The following TC2N variants were observed in gnomAD, a reference collection of about 807,000 sequenced individuals.
The protein encoded by TC2N is tandem C2 domains, nuclear.
In TC2N, 51 loss-of-function variants were observed where a neutral mutation model predicts 61.9. That is an observed-to-expected ratio of 0.82 (90% CI 0.66 to 1.04). The LOEUF (loss-of-function observed/expected upper bound fraction) is 1.04. Among genes scored for constraint, TC2N ranks in the 50% least tolerant of loss-of-function variants. The pLI is 0.00. For missense variants in TC2N, 556 were observed against 566.7 expected, an observed-to-expected ratio of 0.98 and a Z score of 0.19; for synonymous variants, 204 against 192.6, an observed-to-expected ratio of 1.06 and a Z score of -0.49.
intron 11 of TC2N, 32 bp from the exon 12 acceptor site, chr14:91,783,242 T>C (rs745421041): frequency 4.0e-6 from 5 of 1,237,172 alleles, no homozygotes; most frequent in Non-Finnish European, 5.9e-6. Flanking sequence ...ATCATTTAAC[T>C]TGACACAATA....
intron 5 of TC2N, among the ~76,000 whole-genome samples, chr14:91,799,769 T>C (rs1355261574): frequency 6.6e-6 from 1 of 152,106 alleles, no homozygotes; most frequent in East Asian, 1.9e-4. Flanking sequence ...ATATGGGAAT[T>C]TGTCTTTCTA....
intron 10 of TC2N, 82 bp downstream of exon 10, chr14:91,787,431 T>C: frequency 1.4e-6 from 1 of 720,398 alleles, no homozygotes; most frequent in Non-Finnish European, 2.2e-6. Flanking sequence ...GATTTTAATC[T>C]CCATTGTAAG....
At chr14:91,790,819 T>C (rs12436926) in intron 9 of TC2N, among the ~76,000 whole-genome samples, 178 of 152,068 alleles carry the variant, frequency 1.2e-3, no homozygotes, top group Middle Eastern at 6.8e-3. Context: ...GAACAGCACA[T>C]TGGGGGTTGA....
intron 1 of TC2N, among the ~76,000 whole-genome samples, chr14:91,865,378 T>G (rs944294296): frequency 3.4e-5 from 5 of 146,162 alleles, no homozygotes; most frequent in Non-Finnish European, 6.1e-5. Context: ...GGTTTTTTTT[T>G]TTTTTTTTTT....
At position 91,787,610 on chromosome 14, in the gene TC2N, A is replaced by G. The variant is rs1158066687; in HGVS notation, c.1065T>C (p.Leu355=). ...PSKISVCHAE[L]ELGTCFQAVN... ...CTGCTTGAAAACAAGTCCCCAATTC[A>G]AGTTCTGCATGGCAAACCTGCATAT... Residue 355 remains leucine (L), a synonymous_variant, in exon 10 of 12, where the codon CTT becomes CTC. Transcript: ENST00000435962. 1 of 1,609,804 alleles carries G rather than the reference A, an allele frequency of 6.2e-7. No homozygotes were observed. Among genetic ancestry groups the G allele is most frequent in the South Asian group, 1.1e-5 (1 of 90,236 alleles).
chr14:91,779,822 T>C lies in TC2N; in HGVS notation c.*3278A>G, dbSNP rs909535022. ...TTTTATAGATTAAAAAACTTAAAAC[T>C]AAAAAAGTACTAAGTTAAAAAAAAC... On this transcript the variant is annotated 3_prime_UTR_variant, in exon 12 of 12. Coordinates refer to ENST00000435962, the MANE Select transcript of TC2N (RefSeq NM_001128596.3). 5.9e-5 allele frequency: 9 copies of C among 151,934 alleles called. No homozygotes were observed. Among genetic ancestry groups the C allele is most frequent in the Non-Finnish European group, 1.3e-4 (9 of 68,000 alleles). The allele number at this position is 151,934 out of a possible 1,614,324, so 9.4% of individuals were successfully genotyped here. A position where few individuals can be genotyped will look rare whatever the true frequency, so the allele number is the denominator to read the frequency against.
At chr14:91,784,899 A>C (rs1023554131) in intron 11 of TC2N, among the ~76,000 whole-genome samples, 1 of 152,194 alleles carries the variant, frequency 6.6e-6, no homozygotes, top group African/African-American at 2.4e-5. Flanking sequence ...TAGTACTGAA[A>C]AATTGATAAT....
At chr14:91,845,136 G>A (rs1278266804) in intron 1 of TC2N, among the ~76,000 whole-genome samples, 1 of 152,118 alleles carries the variant, frequency 6.6e-6, no homozygotes, top group African/African-American at 2.4e-5. Flanking sequence ...GCTGAAGCAG[G>A]AGAATCACTT....
intron 1 of TC2N, among the ~76,000 whole-genome samples, chr14:91,838,223 G>A (rs1199827623): frequency 1.4e-5 from 2 of 146,774 alleles, no homozygotes; most frequent in Non-Finnish European, 3.0e-5. Flanking sequence ...GCTCACTGCT[G>A]TCTCAAACTC....
At chr14:91,802,807 G>A (rs1886324455) in intron 3 of TC2N, among the ~76,000 whole-genome samples, 1 of 151,742 alleles carries the variant, frequency 6.6e-6, no homozygotes, top group Non-Finnish European at 1.5e-5. Flanking sequence ...ACCACATGCT[G>A]AGATACACCG....
At chr14:91,849,702 T>C (rs1888335682) in intron 1 of TC2N, among the ~76,000 whole-genome samples, 1 of 152,246 alleles carries the variant, frequency 6.6e-6, no homozygotes, top group Non-Finnish European at 1.5e-5. Context: ...TTTGCATAAA[T>C]GTTTATTTTC....
intron 1 of TC2N, among the ~76,000 whole-genome samples, chr14:91,823,037 G>A (rs1036536334): frequency 5.9e-5 from 9 of 152,068 alleles, no homozygotes; most frequent in African/African-American, 2.2e-4. Context: ...CTTGACTGTG[G>A]TGATGGTTTC....
At chr14:91,821,331 T>C (rs1292072672) in intron 1 of TC2N, among the ~76,000 whole-genome samples, 5 of 152,076 alleles carry the variant, frequency 3.3e-5, no homozygotes, top group Admixed American at 6.5e-5. Flanking sequence ...TTATAGTCAA[T>C]TGATGTTTAA....
chr14:91,785,968 T>C (rs950659292), intron 10 of TC2N, among the ~76,000 whole-genome samples: 3 of 152,136 alleles, frequency 2.0e-5, no homozygotes, highest in Non-Finnish European at 2.9e-5. Flanking sequence ...CAGGTTGATA[T>C]AGCTTTTCAC....
At chr14:91,802,957 A>C (rs1171748486) in intron 3 of TC2N, among the ~76,000 whole-genome samples, 2 of 152,162 alleles carry the variant, frequency 1.3e-5, no homozygotes, top group African/African-American at 4.8e-5. Context: ...AATAACCAAA[A>C]ACTTAATCTT....
At chr14:91,800,921 T>G (rs1211866885) in intron 4 of TC2N, among the ~76,000 whole-genome samples, 2 of 146,952 alleles carry the variant, frequency 1.4e-5, no homozygotes, top group Admixed American at 1.4e-4. Context: ...TACCTCACCC[T>G]AAATTCACTG....
intron 2 of TC2N, among the ~76,000 whole-genome samples, chr14:91,813,020 A>G (rs1348150581): frequency 6.6e-6 from 1 of 151,806 alleles, no homozygotes; most frequent in African/African-American, 2.4e-5. Context: ...TATTCTTTAT[A>G]TATATATAAT....
At chr14:91,803,625 G>A (rs1886369470) in intron 3 of TC2N, among the ~76,000 whole-genome samples, 1 of 151,706 alleles carries the variant, frequency 6.6e-6, no homozygotes, top group African/African-American at 2.4e-5. Flanking sequence ...CTAAGTTTTT[G>A]TATTTTTAGT....
At chr14:91,803,402 CGT>C (rs1886354216) in intron 3 of TC2N, among the ~76,000 whole-genome samples, 2 of 121,660 alleles carry the variant, frequency 1.6e-5, no homozygotes, top group African/African-American at 7.0e-5. Context: ...CACACACACA[CGT>C]ACATACATAC....
Sources: allele counts gnomAD v4.1 joint callset (sites outside exome capture counted in the v4.1 genomes callset), GRCh38; gene constraint gnomAD v4.1.1; transcripts MANE v1.5; gene names NCBI Gene and HGNC (gene_info 2026-07-23, HGNC 2026-07-21).